The following PTPRD variants were observed in gnomAD, a reference collection of about 807,000 sequenced individuals.
PTPRD encodes receptor-type tyrosine-protein phosphatase delta.
A neutral mutation model predicts 214.5 loss-of-function variants in PTPRD; 34 were observed. The ratio of observed to expected loss-of-function variants is 0.16; its 90% CI spans 0.12 to 0.21. PTPRD has a LOEUF of 0.21. Among genes scored for constraint, PTPRD ranks in the 10% least tolerant of loss-of-function variants. The probability of loss-of-function intolerance (pLI) is 1.00; values close to 1 mark genes in which losing one functional copy is unlikely to be tolerated. For synonymous variants in PTPRD, 1,128 were observed against 845.7 expected (o/e 1.33, Z -5.79); for missense variants, 2,545 against 2,398.7 (o/e 1.06, Z -1.27).
chr9:8,566,938 T>G (rs1357232402), intron 14 of PTPRD, among the ~76,000 whole-genome samples: 1 of 152,100 alleles, frequency 6.6e-6, no homozygotes, highest in Non-Finnish European at 1.5e-5. Context: ...CATTCTTGAT[T>G]TGGGGTTTTC....
rs921788065 is a variant in PTPRD at position 9,227,012 on chromosome 9, T to C, written c.-202-43649A>G. On this transcript the variant is annotated intron_variant, in intron 9 of 45. Transcript: ENST00000381196. ...TAGATACTTCTATTTCATATTTATA[T>C]GGCTTTTTTTCTAAAGTGCATTATC... Among the ~76,000 whole-genome samples, 17 of 152,238 alleles carry C rather than the reference T, an allele frequency of 1.1e-4. 1 individual carries two copies. Among genetic ancestry groups the C allele is most frequent in the Admixed American group, 9.8e-4 (15 of 15,268 alleles).
intron 8 of PTPRD, among the ~76,000 whole-genome samples, chr9:9,559,024 C>T (rs886849159): frequency 2.0e-5 from 3 of 152,200 alleles, no homozygotes; most frequent in African/African-American, 4.8e-5. Flanking sequence ...GATGTCCGCA[C>T]GTTCCAGTCC....
chr9:9,328,171 A>C (rs2040779530), intron 9 of PTPRD, among the ~76,000 whole-genome samples: 1 of 152,148 alleles, frequency 6.6e-6, no homozygotes, highest in Non-Finnish European at 1.5e-5. Context: ...GTTAGCAAAA[A>C]AGTTGAGTTT....
At chr9:9,719,169 C>A (rs545364867) in intron 7 of PTPRD, among the ~76,000 whole-genome samples, 8 of 152,264 alleles carry the variant, frequency 5.3e-5, no homozygotes, top group Non-Finnish European at 1.2e-4. Context: ...CAGCCAGATC[C>A]AGAGACTTGT....
At position 8,547,750 on chromosome 9, in the gene PTPRD, A is replaced by G. The variant is rs72696635; in HGVS notation, c.353-18971T>C. 2.1e-3 allele frequency among the ~76,000 whole-genome samples: 326 copies of G among 152,334 alleles called. 1 individual carries two copies. The highest frequency in any genetic ancestry group is 4.0e-3 in the Non-Finnish European group (270 of 68,028). The stretch of plus-strand genomic sequence containing the variant: ...CCATGATAAAAATGATAAATATCAC[A>G]AAGATATATACCCACACAAAAATAC... On this transcript the variant is annotated intron_variant, in intron 14 of 45. Coordinates refer to ENST00000381196, the MANE Select transcript of PTPRD (RefSeq NM_002839.4).
At chr9:8,899,124 G>C (rs1293522986) in intron 11 of PTPRD, among the ~76,000 whole-genome samples, 1 of 151,906 alleles carries the variant, frequency 6.6e-6, no homozygotes, top group Non-Finnish European at 1.5e-5. Flanking sequence ...CGGAGAACCA[G>C]GCAAGATAAA....
intron 10 of PTPRD, among the ~76,000 whole-genome samples, chr9:9,085,165 C>G (rs1320060367): frequency 6.6e-6 from 1 of 151,824 alleles, no homozygotes; most frequent in Admixed American, 6.6e-5. Flanking sequence ...CTTAAAGTGA[C>G]TTTCTCTTTC....
intron 7 of PTPRD, among the ~76,000 whole-genome samples, chr9:9,576,356 C>G (rs72706537): frequency 2.0e-5 from 3 of 152,082 alleles, no homozygotes. Context: ...ATCACTATCA[C>G]GGAGGTGTAA....
intron 3 of PTPRD, among the ~76,000 whole-genome samples, chr9:10,256,598 T>C (rs773045112): frequency 2.6e-5 from 4 of 152,210 alleles, no homozygotes; most frequent in Admixed American, 1.3e-4. Flanking sequence ...CTTTGAGCTA[T>C]CCTTGCCTTA....
intron 10 of PTPRD, among the ~76,000 whole-genome samples, chr9:9,029,770 G>A (rs1295716816): frequency 6.6e-6 from 1 of 151,890 alleles, no homozygotes; most frequent in African/African-American, 2.4e-5. Context: ...TAAGGAACAG[G>A]TAGGTGGCTG....
At chr9:8,399,221 A>T (rs950537970) in intron 36 of PTPRD, among the ~76,000 whole-genome samples, 12 of 151,812 alleles carry the variant, frequency 7.9e-5, no homozygotes, top group South Asian at 4.2e-4. Context: ...TGGAGATGGT[A>T]GAGATGGTCT....
In PTPRD at chr9:9,235,399, C is replaced by T. The variant is rs371437568; in HGVS notation, c.-202-52036G>A. Among the ~76,000 whole-genome samples the T allele has an allele frequency of 2.0e-4, 31 of 152,250 alleles. No individual in the cohort carries two copies. The East Asian group carries it at 2.7e-3, about 13-fold the overall frequency. On this transcript the variant is annotated intron_variant, in intron 9 of 45. Transcript: ENST00000381196. Reference sequence around the variant, plus strand: ...CTGATGGGGGCTTTCTGGATTATTACCCTTTGTCCAATTGCACTCCTACAT... The same window carrying T: ...CTGATGGGGGCTTTCTGGATTATTATCCTTTGTCCAATTGCACTCCTACAT...
chr9:9,139,121 C>A (rs1358767578), intron 10 of PTPRD, among the ~76,000 whole-genome samples: 1 of 150,420 alleles, frequency 6.6e-6, no homozygotes. Context: ...CCACCTTATC[C>A]GTGGGGGATA....
At chr9:10,462,665 G>C (rs983805556) in intron 2 of PTPRD, among the ~76,000 whole-genome samples, 1 of 151,742 alleles carries the variant, frequency 6.6e-6, no homozygotes, top group Non-Finnish European at 1.5e-5. Context: ...AACAGTGAGA[G>C]TGAGCTAGTA....
At chr9:9,998,315 G>T (rs1328377124) in intron 4 of PTPRD, among the ~76,000 whole-genome samples, 1 of 150,734 alleles carries the variant, frequency 6.6e-6, no homozygotes. Flanking sequence ...TCAAACCGTG[G>T]GTCCAGCAGC....
chr9:8,982,416 T>G (rs1210303700), intron 11 of PTPRD, among the ~76,000 whole-genome samples: 1 of 151,946 alleles, frequency 6.6e-6, no homozygotes, highest in Admixed American at 6.6e-5. Flanking sequence ...AAGAATAACT[T>G]TTTATCTTAA....
At chr9:8,963,115 TG>T (rs1192204282) in intron 11 of PTPRD, 1 of 152,106 alleles carries the variant, frequency 6.6e-6, no homozygotes, top group Non-Finnish European at 1.5e-5. Context: ...GTCATAATGT[TG>T]AAAGATAGAA....
chr9:9,900,013 G>C (rs1255229346), intron 5 of PTPRD, among the ~76,000 whole-genome samples: 1 of 152,020 alleles, frequency 6.6e-6, no homozygotes, highest in Non-Finnish European at 1.5e-5. Context: ...GTTACCAGAG[G>C]CTGGGGGGAA....
chr9:9,971,791 C>A (rs1278699966), intron 4 of PTPRD, among the ~76,000 whole-genome samples: 1 of 151,784 alleles, frequency 6.6e-6, no homozygotes. Flanking sequence ...TAACTTTATC[C>A]CATAATCTCT....
Sources: allele counts gnomAD v4.1 joint callset (sites outside exome capture counted in the v4.1 genomes callset), GRCh38; gene constraint gnomAD v4.1.1; transcripts MANE v1.5; gene names NCBI Gene and HGNC (gene_info 2026-07-23, HGNC 2026-07-21).